Variants in EXOC1L observed in about 807,000 individuals in gnomAD.
EXOC1L encodes exocyst complex component 1-like.
A neutral mutation model predicts 4.9 loss-of-function variants in EXOC1L; 10 were observed. The observed-to-expected ratio is 2.02, with a 90% CI of 1.25 to 3.43. EXOC1L has a LOEUF of 3.43. Ranked by LOEUF, EXOC1L falls within the 30% of genes most tolerant of loss-of-function variation. The probability of loss-of-function intolerance (pLI) is 0.00; values close to 1 mark genes in which losing one functional copy is unlikely to be tolerated. For missense variants in EXOC1L, 114 were observed against 59.4 expected (o/e 1.92, Z -3.02); for synonymous variants, 41 against 20.8 (o/e 1.97, Z -2.63).
At chr4:55,830,050 CCT>C (rs959211586) in intron 1 of EXOC1L, among the ~76,000 whole-genome samples, 2 of 152,212 alleles carry the variant, frequency 1.3e-5, no homozygotes, top group East Asian at 3.9e-4. Flanking sequence ...CAGTATGACC[CCT>C]GTCTTTTCAA....
intron 1 of EXOC1L, among the ~76,000 whole-genome samples, chr4:55,831,077 T>A (rs573720716): frequency 6.6e-6 from 1 of 152,284 alleles, no homozygotes; most frequent in African/African-American, 2.4e-5. Context: ...AGCACATAGC[T>A]CAATGTTCTA....
intron 2 of EXOC1L, among the ~76,000 whole-genome samples, chr4:55,835,584 T>C (rs930801200): frequency 1.3e-5 from 2 of 151,920 alleles, no homozygotes; most frequent in Non-Finnish European, 2.9e-5. Context: ...TAGTGGTTTT[T>C]ATTTGCATTT....
intron 2 of EXOC1L, among the ~76,000 whole-genome samples, chr4:55,833,407 A>C (rs1720082991): frequency 6.6e-6 from 1 of 151,918 alleles, no homozygotes; most frequent in East Asian, 1.9e-4. Flanking sequence ...TACATGTATA[A>C]GTAAAACAAA....
At chr4:55,823,369 A>C (rs1210128192) in intron 1 of EXOC1L, among the ~76,000 whole-genome samples, 7 of 152,342 alleles carry the variant, frequency 4.6e-5, no homozygotes, top group African/African-American at 1.7e-4. Flanking sequence ...CCAATATCTT[A>C]ACAACAGAGA....
At chr4:55,822,511 G>A (rs1041403455) in intron 1 of EXOC1L, among the ~76,000 whole-genome samples, 26 of 152,174 alleles carry the variant, frequency 1.7e-4, no homozygotes, top group Admixed American at 6.5e-5. Flanking sequence ...CACTAGAAAG[G>A]AATAAGTCAC....
chr4:55,831,583 G>A (rs537123418), intron 2 of EXOC1L, 119 bp downstream of exon 2: 15 of 475,494 alleles, frequency 3.2e-5, no homozygotes, highest in African/African-American at 1.0e-4. Flanking sequence ...TATATTGTTC[G>A]TAAGTGGCAT....
At chr4:55,821,327 T>C (rs978448730) in intron 1 of EXOC1L, among the ~76,000 whole-genome samples, 2 of 151,720 alleles carry the variant, frequency 1.3e-5, no homozygotes, top group Non-Finnish European at 2.9e-5. Context: ...GAAAAAGAAA[T>C]TAAGTATTTT....
chr4:55,827,502 G>T (rs1291066308), intron 1 of EXOC1L, among the ~76,000 whole-genome samples: 1 of 152,180 alleles, frequency 6.6e-6, no homozygotes, highest in Non-Finnish European at 1.5e-5. Flanking sequence ...CAGCAGGAAT[G>T]ATGCCTTATG....
chr4:55,834,016 T>C (rs1018506756), intron 2 of EXOC1L, among the ~76,000 whole-genome samples: 11 of 151,990 alleles, frequency 7.2e-5, no homozygotes, highest in African/African-American at 2.7e-4. Context: ...TTTCTACTTC[T>C]CTTTTTTAAA....
intron 2 of EXOC1L, among the ~76,000 whole-genome samples, chr4:55,832,492 C>A (rs1416868262): frequency 1.3e-5 from 2 of 151,898 alleles, no homozygotes; most frequent in African/African-American, 4.8e-5. Context: ...ATTGATGAGG[C>A]AGGCAGGGCC....
intron 2 of EXOC1L, among the ~76,000 whole-genome samples, chr4:55,836,631 G>C (rs1403516287): frequency 6.6e-6 from 1 of 151,910 alleles, no homozygotes; most frequent in Non-Finnish European, 1.5e-5. Flanking sequence ...CAGCAAATTG[G>C]TGATCTGTAG....
intron 1 of EXOC1L, among the ~76,000 whole-genome samples, chr4:55,830,385 A>G (rs1256132402): frequency 2.0e-5 from 3 of 152,144 alleles, no homozygotes; most frequent in African/African-American, 7.2e-5. Context: ...ATTGTATGTG[A>G]CATGTGTGTT....
chr4:55,830,897 G>A (rs1475871545), intron 1 of EXOC1L, among the ~76,000 whole-genome samples: 2 of 152,170 alleles, frequency 1.3e-5, no homozygotes, highest in Non-Finnish European at 2.9e-5. Context: ...ACACTGTGTT[G>A]CTGTAAAGCA....
chr4:55,834,811 T>G (rs900865194), intron 2 of EXOC1L, among the ~76,000 whole-genome samples: 23 of 151,972 alleles, frequency 1.5e-4, no homozygotes, highest in African/African-American at 3.1e-4. Flanking sequence ...TTATGGTTTT[T>G]TTAATTTTTA....
At position 55,837,076 on chromosome 4, in the gene EXOC1L, C is replaced by G; in HGVS notation, c.253-9C>G. 1.5e-6 allele frequency: 1 copy of G among 676,932 alleles called. No individual in the cohort carries two copies. Among genetic ancestry groups the G allele is most frequent in the South Asian group, 1.6e-5 (1 of 63,614 alleles). The allele number at this position is 676,932 out of a possible 1,614,324, so 41.9% of individuals were successfully genotyped here. On this transcript the variant is annotated splice_polypyrimidine_tract_variant and intron_variant, in intron 2 of 2. Transcript: ENST00000636125. ...TACCAACTAAATCATGTCTCTCATTCTCTTCCAGGACAATCCATTTTTTGA... is the reference window on the plus strand; with the variant it reads ...TACCAACTAAATCATGTCTCTCATTGTCTTCCAGGACAATCCATTTTTTGA...
intron 2 of EXOC1L, among the ~76,000 whole-genome samples, chr4:55,835,893 C>G (rs981824681): frequency 6.6e-6 from 1 of 151,746 alleles, no homozygotes; most frequent in Non-Finnish European, 1.5e-5. Flanking sequence ...ATGGTAATAT[C>G]ACAATCTTTA....
intron 1 of EXOC1L, among the ~76,000 whole-genome samples, chr4:55,827,965 A>G (rs779190948): frequency 2.8e-4 from 43 of 152,194 alleles, no homozygotes; most frequent in Non-Finnish European, 5.9e-4. Context: ...AGAGAAGGAT[A>G]GGTGGGCAGA....
chr4:55,828,874 CAAAT>C (rs1245505456), intron 1 of EXOC1L, among the ~76,000 whole-genome samples: 1 of 151,976 alleles, frequency 6.6e-6, no homozygotes, highest in Non-Finnish European at 1.5e-5. Context: ...AACAAACAAA[CAAAT>C]GACGACAACA....
chr4:55,826,064 G>A (rs1247485716), intron 1 of EXOC1L, among the ~76,000 whole-genome samples: 23 of 127,434 alleles, frequency 1.8e-4, no homozygotes, highest in African/African-American at 3.6e-4. Context: ...CAGCCTGGGC[G>A]ACAAGAGCGA....
Sources: gnomAD v4.1 joint callset for allele counts (sites outside exome capture counted in the v4.1 genomes callset) on GRCh38, gnomAD v4.1.1 for gene constraint, MANE v1.5 for transcripts, NCBI Gene and HGNC (gene_info 2026-07-23, HGNC 2026-07-21) for gene names.